Variants in TPRX1 observed in about 807,000 individuals in gnomAD.
TPRX1 encodes tetrapeptide repeat homeobox 1.
Under a neutral mutation model 8.1 loss-of-function variants are expected in TPRX1, and 2 were observed. The ratio of observed to expected loss-of-function variants is 0.25; its 90% CI spans 0.10 to 0.78. The LOEUF (loss-of-function observed/expected upper bound fraction) is 0.78. Among genes scored for constraint, TPRX1 ranks in the 30% least tolerant of loss-of-function variants. The pLI, the probability that TPRX1 is intolerant of heterozygous loss-of-function variation, is 0.70. For missense variants in TPRX1, 517 were observed against 586.9 expected (o/e 0.88, Z 1.23); for synonymous variants, 257 against 254.1 (o/e 1.01, Z -0.11).
At chr19:47,815,765 T>G (rs949363405) in intron 2 of TPRX1, among the ~76,000 whole-genome samples, 12 of 149,940 alleles carry the variant, frequency 8.0e-5, no homozygotes, top group Non-Finnish European at 1.8e-4. Flanking sequence ...TCAGCCGAGA[T>G]CACGTCACTG....
At chr19:47,803,130 G>A (rs897124383) in intron 3 of TPRX1, 150 bp from the exon 3 acceptor site, 2 of 713,724 alleles carry the variant, frequency 2.8e-6, no homozygotes, top group Non-Finnish European at 4.2e-6. Flanking sequence ...CGGCTCCAAG[G>A]CCTGGAGAAT....
At chr19:47,816,472 G>A (rs1211950164) in intron 2 of TPRX1, among the ~76,000 whole-genome samples, 1 of 150,834 alleles carries the variant, frequency 6.6e-6, no homozygotes, top group Non-Finnish European at 1.5e-5. Context: ...GCTGGCCTCA[G>A]TCTCTAATCC....
At chr19:47,810,946 C>T (rs1226448199) in intron 2 of TPRX1, among the ~76,000 whole-genome samples, 1 of 150,088 alleles carries the variant, frequency 6.7e-6, no homozygotes, top group East Asian at 1.9e-4. Flanking sequence ...ATTGGGGTTC[C>T]TCTCGGTGTC....
In TPRX1 at chr19:47,801,753, G is replaced by T. The variant is rs763658603; in HGVS notation, c.*22C>A. ...CACTCCAGGCCCTCTGGGATCTGAA[G>T]AACTTTGCAGGCACAGGCCCCCTAT... On this transcript the variant is annotated 3_prime_UTR_variant, in exon 4 of 4. Coordinates refer to ENST00000535759, the Ensembl canonical transcript of TPRX1. 134 of 1,590,910 alleles carry T rather than the reference G, an allele frequency of 8.4e-5. 1 individual carries two copies. In the Middle Eastern group the frequency reaches 1.3e-3, roughly 15 times the overall value.
At chr19:47,818,234 A>G (rs1465834985) in intron 2 of TPRX1, among the ~76,000 whole-genome samples, 1 of 145,066 alleles carries the variant, frequency 6.9e-6, no homozygotes, top group South Asian at 2.2e-4. Flanking sequence ...CCATCCATCC[A>G]CCCATCCATC....
chr19:47,802,505 C>T (rs1967685239), exon 4 of TPRX1: 1 of 1,540,702 alleles, frequency 6.5e-7, no homozygotes, highest in East Asian at 2.5e-5. Flanking sequence ...TGAGAATGGG[C>T]CTGAGATTGG....
At chr19:47,815,114 T>TTTTA (rs1555799970) in intron 2 of TPRX1, among the ~76,000 whole-genome samples, 3 of 63,390 alleles carry the variant, frequency 4.7e-5, no homozygotes, top group African/African-American at 2.1e-4. Context: ...AATAGATAAA[T>TTTTA]TATATATATA....
chr19:47,810,387 C>T (rs1292440446), intron 2 of TPRX1, among the ~76,000 whole-genome samples: 2 of 108,660 alleles, frequency 1.8e-5, no homozygotes, highest in East Asian at 2.9e-4. Context: ...CTCGCTCTGT[C>T]GCCCAGGCTG....
At chr19:47,804,805 T>C (rs116915353) in intron 2 of TPRX1, among the ~76,000 whole-genome samples, 1,802 of 151,764 alleles carry the variant, frequency 0.012, 20 homozygotes, top group Middle Eastern at 0.02. Context: ...CTAGCCCAGG[T>C]GAGGTGGCAT....
intron 2 of TPRX1, among the ~76,000 whole-genome samples, chr19:47,816,707 AT>A (rs374042470): frequency 0.024 from 3,625 of 149,662 alleles, 47 homozygotes; most frequent in East Asian, 0.063. Context: ...TATTTTTTGT[AT>A]TTTTTAGTAG....
intron 2 of TPRX1, among the ~76,000 whole-genome samples, chr19:47,814,227 C>A (rs1967811045): frequency 6.6e-6 from 1 of 151,922 alleles, no homozygotes; most frequent in African/African-American, 2.4e-5. Flanking sequence ...AGCATATTTT[C>A]GTATTTCAGT....
chr19:47,802,019 G>T (rs764040567), exon 4 of TPRX1: 2 of 1,611,350 alleles, frequency 1.2e-6, no homozygotes, highest in African/African-American at 2.7e-5. Context: ...CCATAAGGGG[G>T]CTGGGGCTGG....
chr19:47,817,324 C>T (rs1003568664), intron 2 of TPRX1, among the ~76,000 whole-genome samples: 2 of 152,230 alleles, frequency 1.3e-5, no homozygotes, highest in African/African-American at 2.4e-5. Context: ...TGGTATCATC[C>T]CCACTTTACA....
At chr19:47,811,267 G>A (rs1013695649) in intron 2 of TPRX1, among the ~76,000 whole-genome samples, 3 of 151,776 alleles carry the variant, frequency 2.0e-5, no homozygotes, top group African/African-American at 7.3e-5. Context: ...GCCTCCCACA[G>A]TGCTAAAATT....
At chr19:47,804,964 C>A (rs1967721831) in intron 2 of TPRX1, among the ~76,000 whole-genome samples, 1 of 152,202 alleles carries the variant, frequency 6.6e-6, no homozygotes, top group Non-Finnish European at 1.5e-5. Context: ...TGAGTCTACC[C>A]ACTCCTCCTG....
At chr19:47,816,985 C>G (rs913616113) in intron 2 of TPRX1, among the ~76,000 whole-genome samples, 12 of 152,206 alleles carry the variant, frequency 7.9e-5, no homozygotes, top group Non-Finnish European at 1.6e-4. Context: ...TTTATGATCT[C>G]AAATGGTGGA....
At chr19:47,803,051 C>CG in intron 3 of TPRX1, 71 bp from the exon 3 acceptor site, 3 of 1,460,176 alleles carry the variant, frequency 2.1e-6, no homozygotes, top group Non-Finnish European at 2.7e-6. Context: ...CTTTTGGGGT[C>CG]GGGGCCAGCC....
chr19:47,816,055 A>AT (rs1967836931), intron 2 of TPRX1, among the ~76,000 whole-genome samples: 1 of 151,610 alleles, frequency 6.6e-6, no homozygotes, highest in African/African-American at 2.4e-5. Flanking sequence ...TTTTCTGTTT[A>AT]TTTATTTATA....
At chr19:47,802,151 A>C in exon 4 of TPRX1, 2 of 1,594,070 alleles carry the variant, frequency 1.3e-6, no homozygotes, top group South Asian at 2.3e-5. Flanking sequence ...AGGACTTAAG[A>C]TGGGACCTGG....
Sources: gnomAD v4.1 joint callset for allele counts (sites outside exome capture counted in the v4.1 genomes callset) on GRCh38, gnomAD v4.1.1 for gene constraint, MANE v1.5 for transcripts, NCBI Gene and HGNC (gene_info 2026-07-23, HGNC 2026-07-21) for gene names.